SPAG6: variants seen among roughly 807,000 people sequenced by gnomAD.
SPAG6 encodes the protein sperm associated antigen 6.
A neutral mutation model predicts 58.5 loss-of-function variants in SPAG6; 49 were observed. The ratio of observed to expected loss-of-function variants is 0.84; its 90% CI spans 0.67 to 1.06. The LOEUF is 1.06. SPAG6 is among the 50% of genes least tolerant of loss of function. The pLI is 0.00. For synonymous variants in SPAG6, 233 were observed against 225.6 expected, an observed-to-expected ratio of 1.03 and a Z score of -0.29; for missense variants, 560 against 611.3, an observed-to-expected ratio of 0.92 and a Z score of 0.89.
intron 10 of SPAG6, chr10:22,412,429 A>G (rs1457247116): frequency 1.4e-6 from 2 of 1,446,724 alleles, no homozygotes; most frequent in Admixed American, 4.1e-5. Context: ...TTTTCTATCC[A>G]CATATTTTTA....
chr10:22,362,136 T>G (rs1235406685), intron 2 of SPAG6, among the ~76,000 whole-genome samples: 2 of 146,054 alleles, frequency 1.4e-5, no homozygotes, highest in Non-Finnish European at 3.0e-5. Flanking sequence ...TTTTATATAT[T>G]TATTTTATGT....
At chr10:22,378,214 C>T (rs548680995) in intron 4 of SPAG6, among the ~76,000 whole-genome samples, 1 of 151,874 alleles carries the variant, frequency 6.6e-6, no homozygotes, top group East Asian at 1.9e-4. Context: ...CAGGTGCATG[C>T]CACCACGCCT....
At chr10:22,401,944 C>G (rs1429060369) in intron 9 of SPAG6, among the ~76,000 whole-genome samples, 2 of 152,108 alleles carry the variant, frequency 1.3e-5, no homozygotes, top group East Asian at 3.9e-4. Flanking sequence ...CTAAATTATG[C>G]TCAGTGAATT....
chr10:22,410,144 A>G (rs961577694), intron 9 of SPAG6, among the ~76,000 whole-genome samples: 2 of 152,000 alleles, frequency 1.3e-5, no homozygotes, highest in Non-Finnish European at 2.9e-5. Context: ...GGATTTATTG[A>G]TTCCTTACGT....
chr10:22,358,188 T>G (rs1836923406), intron 2 of SPAG6, among the ~76,000 whole-genome samples: 1 of 152,188 alleles, frequency 6.6e-6, no homozygotes, highest in East Asian at 1.9e-4. Flanking sequence ...TGAACTAGTT[T>G]ACAGTCCCAC....
intron 6 of SPAG6, among the ~76,000 whole-genome samples, chr10:22,388,626 G>A (rs868137010): frequency 6.6e-5 from 10 of 152,204 alleles, no homozygotes; most frequent in South Asian, 2.1e-4. Context: ...TGTATATTTT[G>A]ACTAATCAAT....
Position 22,391,710 on chromosome 10 carries a change from CT to C in SPAG6, c.1006-15del. On this transcript the variant is annotated intron_variant, in intron 7 of 10. Coordinates refer to ENST00000376624, the MANE Select transcript of SPAG6 (RefSeq NM_012443.4). Reference sequence around the variant, plus strand: ...CTGCTCTAGATTCATAACACTTGCTCTTTTGATCCACGCTGCAGGGTGTACC... The same window carrying C: ...CTGCTCTAGATTCATAACACTTGCTCTTTGATCCACGCTGCAGGGTGTACC... 6.2e-7 allele frequency: 1 copy of C among 1,610,734 alleles called. No homozygotes were observed. Among genetic ancestry groups the C allele is most frequent in the Non-Finnish European group, 8.5e-7 (1 of 1,178,384 alleles).
intron 8 of SPAG6, among the ~76,000 whole-genome samples, chr10:22,397,405 C>A (rs1298695838): frequency 5.9e-5 from 9 of 152,178 alleles, no homozygotes; most frequent in Non-Finnish European, 1.2e-4. Flanking sequence ...CTCCACCTCC[C>A]AGGTTCAAGT....
intron 2 of SPAG6, among the ~76,000 whole-genome samples, chr10:22,350,999 G>A (rs1836712639): frequency 6.6e-6 from 1 of 152,158 alleles, no homozygotes; most frequent in East Asian, 1.9e-4. Context: ...CTCATTTTGT[G>A]CTCTTTCTAC....
intron 2 of SPAG6, among the ~76,000 whole-genome samples, chr10:22,360,290 A>T (rs76315532): frequency 0.012 from 1,767 of 150,604 alleles, 28 homozygotes; most frequent in African/African-American, 0.038. Flanking sequence ...TTTTTTTTTT[A>T]AATTTTTGAG....
intron 2 of SPAG6, among the ~76,000 whole-genome samples, chr10:22,355,068 A>G (rs545395435): frequency 1.3e-5 from 2 of 152,266 alleles, no homozygotes; most frequent in East Asian, 3.9e-4. Flanking sequence ...GTAACAATGG[A>G]AGACAGTTAT....
intron 7 of SPAG6, 137 bp from the exon 8 acceptor site, chr10:22,391,592 G>T (rs1834184871): frequency 1.5e-6 from 1 of 664,998 alleles, no homozygotes; most frequent in African/African-American, 1.8e-5. Context: ...CAGCCCCTGT[G>T]ATGTGCTCAT....
At chr10:22,392,058 C>T (rs932714987) in intron 8 of SPAG6, 138 bp downstream of exon 8, 5 of 632,308 alleles carry the variant, frequency 7.9e-6, no homozygotes, top group South Asian at 2.1e-5. Flanking sequence ...CTTCACTCTT[C>T]TTTGAAAATG....
intron 9 of SPAG6, among the ~76,000 whole-genome samples, chr10:22,406,194 T>C (rs1221740921): frequency 6.6e-6 from 1 of 152,242 alleles, no homozygotes; most frequent in Non-Finnish European, 1.5e-5. Flanking sequence ...TGAATGTGTT[T>C]GCTCTTGCTT....
At chr10:22,360,535 G>C (rs911306014) in intron 2 of SPAG6, among the ~76,000 whole-genome samples, 1 of 151,132 alleles carries the variant, frequency 6.6e-6, no homozygotes, top group Non-Finnish European at 1.5e-5. Flanking sequence ...GGAACTCAAA[G>C]CTATAAATTA....
rs74982997 is a variant in SPAG6 at position 22,387,386 on chromosome 10, T to G, written c.678+427T>G. 6.8e-3 allele frequency among the ~76,000 whole-genome samples: 1,041 copies of G among 152,344 alleles called. 15 individuals carry two copies. Among genetic ancestry groups the G allele is most frequent in the African/African-American group, 0.024 (997 of 41,586 alleles). ...ATACTTTTATATTCTAATAGTTATA[T>G]CCTATAATGTTTTAAAATTGTTAAC... On this transcript the variant is annotated intron_variant, in intron 5 of 10. Transcript: ENST00000376624.
intron 9 of SPAG6, among the ~76,000 whole-genome samples, chr10:22,405,408 T>A (rs1299528725): frequency 6.6e-6 from 1 of 151,486 alleles, no homozygotes. Flanking sequence ...GTGGTTTTTG[T>A]CTTTGGTTCT....
chr10:22,368,272 C>T (rs1001433007), intron 3 of SPAG6, among the ~76,000 whole-genome samples: 1 of 152,080 alleles, frequency 6.6e-6, no homozygotes, highest in Non-Finnish European at 1.5e-5. Flanking sequence ...ATTTGAAATA[C>T]AATGTAAAAC....
chr10:22,359,604 G>A (rs945449060), intron 2 of SPAG6, among the ~76,000 whole-genome samples: 1 of 152,104 alleles, frequency 6.6e-6, no homozygotes, highest in Admixed American at 6.5e-5. Context: ...TCTGGACATG[G>A]ATAGTGGTGG....
Sources: allele counts gnomAD v4.1 joint callset (sites outside exome capture counted in the v4.1 genomes callset), GRCh38; gene constraint gnomAD v4.1.1; transcripts MANE v1.5; gene names NCBI Gene and HGNC (gene_info 2026-07-23, HGNC 2026-07-21).